GRM7: variants seen among roughly 807,000 people sequenced by gnomAD.
GRM7 encodes glutamate metabotropic receptor 7, also known as metabotropic glutamate receptor 7.
GRM7 carries 35 observed loss-of-function variants against 84.5 expected under a neutral mutation model. The observed-to-expected ratio is 0.41, with a 90% CI of 0.32 to 0.55. The LOEUF is 0.55. Among genes scored for constraint, GRM7 ranks in the 20% least tolerant of loss-of-function variants. The pLI is 0.19. For synonymous variants in GRM7, 487 were observed against 455.1 expected (o/e 1.07, Z -0.89); for missense variants, 1,003 against 1,194.6 (o/e 0.84, Z 2.36).
intron 7 of GRM7, among the ~76,000 whole-genome samples, chr3:7,529,738 C>A (rs554252030): frequency 6.6e-6 from 1 of 152,104 alleles, no homozygotes; most frequent in South Asian, 2.1e-4. Flanking sequence ...TCCTCAATGT[C>A]TAATCAAACC....
chr3:6,956,003 C>G (rs1693034278), intron 1 of GRM7, among the ~76,000 whole-genome samples: 1 of 152,130 alleles, frequency 6.6e-6, no homozygotes, highest in African/African-American at 2.4e-5. Flanking sequence ...AATATCTGTG[C>G]TCCTGTAAGC....
In GRM7 at chr3:6,863,638, G is replaced by A. The variant is rs1694839875; in HGVS notation, c.519+1731G>A. On this transcript the variant is annotated intron_variant, in intron 1 of 9. Transcript: ENST00000357716. This position sits in a 1 kb window ranked among gnomAD's most constrained non-coding sequence, Gnocchi z 4.8. ...ACCTGGCTTGTAGCTGAAACCCAGAGCCCTTCCTTCATCTTTGAGCTTAAA... is the reference window on the plus strand; with the variant it reads ...ACCTGGCTTGTAGCTGAAACCCAGAACCCTTCCTTCATCTTTGAGCTTAAA... Among the ~76,000 whole-genome samples the A allele has an allele frequency of 6.6e-6, 1 of 152,110 alleles. No homozygotes were observed. Among genetic ancestry groups the A allele is most frequent in the South Asian group, 2.1e-4 (1 of 4,826 alleles).
At chr3:7,390,750 A>G (rs1264640796) in intron 4 of GRM7, among the ~76,000 whole-genome samples, 2 of 151,462 alleles carry the variant, frequency 1.3e-5, no homozygotes, top group African/African-American at 4.8e-5. Context: ...CAAATCTTGG[A>G]TCTTTTTCTG....
intron 2 of GRM7, among the ~76,000 whole-genome samples, chr3:7,186,958 C>A (rs1194546362): frequency 6.6e-6 from 1 of 152,060 alleles, no homozygotes; most frequent in African/African-American, 2.4e-5. Flanking sequence ...GTGGCATATG[C>A]CTGTAGTCTC....
At chr3:7,698,486 G>A (rs77605080) in intron 9 of GRM7, among the ~76,000 whole-genome samples, 2,373 of 152,316 alleles carry the variant, frequency 0.016, 71 homozygotes, top group African/African-American at 0.054. Context: ...CTGATAAGTA[G>A]AGGATCTTGG....
intron 2 of GRM7, among the ~76,000 whole-genome samples, chr3:7,273,896 A>G (rs1698957446): frequency 6.6e-6 from 1 of 152,010 alleles, no homozygotes; most frequent in African/African-American, 2.4e-5. Context: ...AATAGCTGCC[A>G]TGCTTGCCAC....
At chr3:7,124,514 C>G (rs2125046923) in intron 1 of GRM7, among the ~76,000 whole-genome samples, 1 of 152,244 alleles carries the variant, frequency 6.6e-6, no homozygotes, top group African/African-American at 2.4e-5. Context: ...GAAAATATCA[C>G]TTAGGTGGTG....
chr3:7,614,371 A>ACCATCCCTCTGTAGTTTGGAGAAGAATG (rs2125082432), intron 8 of GRM7, among the ~76,000 whole-genome samples: 1 of 152,252 alleles, frequency 6.6e-6, no homozygotes, highest in South Asian at 2.1e-4. Context: ...ACTTCCAGTC[A>ACCATCCCTCTGTAGTTTGGAGAAGAATG]CCATCCCTCT....
At chr3:7,094,206 G>A (rs1698773714) in intron 1 of GRM7, among the ~76,000 whole-genome samples, 1 of 152,044 alleles carries the variant, frequency 6.6e-6, no homozygotes, top group Admixed American at 6.6e-5. Flanking sequence ...TGTTTCTGAA[G>A]CTAAGCGAAG....
intron 1 of GRM7, among the ~76,000 whole-genome samples, chr3:7,033,368 T>C (rs933558465): frequency 4.6e-5 from 7 of 152,164 alleles, no homozygotes; most frequent in African/African-American, 1.7e-4. Flanking sequence ...ACAATATATA[T>C]AAAATTATTT....
intron 2 of GRM7, among the ~76,000 whole-genome samples, chr3:7,244,833 A>G (rs1194984592): frequency 6.6e-6 from 1 of 152,124 alleles, no homozygotes; most frequent in East Asian, 1.9e-4. Flanking sequence ...GGAACAGTCT[A>G]TAGAAGCAAA....
intron 7 of GRM7, among the ~76,000 whole-genome samples, chr3:7,509,683 T>C (rs1233794348): frequency 6.6e-6 from 1 of 152,176 alleles, no homozygotes; most frequent in Non-Finnish European, 1.5e-5. Context: ...TAACAATGTT[T>C]CTTTAGTAGC....
Position 7,103,816 on chromosome 3 carries a change from T to TTCTTTCTTTCTTTTTCTTTC in GRM7, c.520-42633_520-42632insTTCTTTCTTTTTCTTTCTCT, listed in dbSNP as rs1553617438. Among the ~76,000 whole-genome samples the TTCTTTCTTTCTTTTTCTTTC allele has an allele frequency of 3.7e-4, 33 of 89,112 alleles. 1 individual carries two copies. Among genetic ancestry groups the TTCTTTCTTTCTTTTTCTTTC allele is most frequent in the Non-Finnish European group, 6.4e-4 (28 of 43,720 alleles). The allele number at this position is 89,112 out of a possible 152,430, so 58.5% of individuals were successfully genotyped here. Reference sequence around the variant, plus strand: ...TTTCTTTCTTTCTTTCTTTCTTTCTTTCTCTCTCTCTCTGTCTCTCTCTCC... The same window carrying TTCTTTCTTTCTTTTTCTTTC: ...TTTCTTTCTTTCTTTCTTTCTTTCTTTCTTTCTTTCTTTTTCTTTCTCTCTCTCTCTCTGTCTCTCTCTCC... On this transcript the variant is annotated intron_variant, in intron 1 of 9. Transcript: ENST00000357716.
chr3:7,338,371 A>G (rs930444448), intron 4 of GRM7, among the ~76,000 whole-genome samples: 38 of 152,162 alleles, frequency 2.5e-4, no homozygotes, highest in Admixed American at 9.2e-4. Flanking sequence ...AGTGAGTGGT[A>G]AAGACTACAC....
chr3:7,061,908 G>A (rs1193586195), intron 1 of GRM7, among the ~76,000 whole-genome samples: 1 of 151,572 alleles, frequency 6.6e-6, no homozygotes, highest in Non-Finnish European at 1.5e-5. Context: ...ATACAAAATA[G>A]CATATTCCCT....
intron 2 of GRM7, among the ~76,000 whole-genome samples, chr3:7,281,653 GTGTTTCCCAAATGTTCCCTTTA>G (rs1245347580): frequency 6.6e-6 from 1 of 152,018 alleles, no homozygotes; most frequent in Non-Finnish European, 1.5e-5. Context: ...ATACTGTGGG[GTGTTTCCCAAATGTTCCCTTTA>G]AATTTTGTCA....
intron 4 of GRM7, among the ~76,000 whole-genome samples, chr3:7,385,804 T>C (rs1383374801): frequency 6.6e-6 from 1 of 152,204 alleles, no homozygotes; most frequent in Non-Finnish European, 1.5e-5. Context: ...AGAAGCCAAA[T>C]ATTAACAGTA....
At chr3:7,134,565 A>G (rs17824908) in intron 1 of GRM7, among the ~76,000 whole-genome samples, 32,764 of 152,038 alleles carry the variant, frequency 0.22, 3,761 homozygotes, top group Non-Finnish European at 0.25. Context: ...CCTTGTTCAT[A>G]TTGGTCTGGA....
At chr3:7,470,930 T>G (rs1698676135) in intron 7 of GRM7, among the ~76,000 whole-genome samples, 3 of 151,882 alleles carry the variant, frequency 2.0e-5, no homozygotes, top group Admixed American at 2.0e-4. Context: ...TTAAAGTGCT[T>G]CCATCCAATT....
Sources: gnomAD v4.1 joint callset for allele counts (sites outside exome capture counted in the v4.1 genomes callset) on GRCh38, gnomAD v4.1.1 for gene constraint, Gnocchi (gnomAD v3.1) non-coding constraint, MANE v1.5 for transcripts, NCBI Gene and HGNC (gene_info 2026-07-23, HGNC 2026-07-21) for gene names.